Variants in PPP2R2B observed in about 807,000 individuals in gnomAD.
PPP2R2B encodes serine/threonine-protein phosphatase 2A 55 kDa regulatory subunit B beta isoform.
PPP2R2B carries 5 observed loss-of-function variants against 46.0 expected under a neutral mutation model. The observed-to-expected ratio is 0.11, with a 90% CI of 0.06 to 0.23. The LOEUF (loss-of-function observed/expected upper bound fraction) is 0.23. Ranked by LOEUF, PPP2R2B falls within the 10% of genes least tolerant of loss-of-function variation. PPP2R2B has a pLI of 1.00. For synonymous variants in PPP2R2B, 215 were observed against 206.7 expected (o/e 1.04, Z -0.34); for missense variants, 367 against 575.0 (o/e 0.64, Z 3.70).
intron 2 of PPP2R2B, among the ~76,000 whole-genome samples, chr5:147,076,897 T>C (rs906745891): frequency 1.3e-5 from 2 of 152,036 alleles, no homozygotes; most frequent in African/African-American, 4.8e-5. Flanking sequence ...ATGCTTATTG[T>C]TGAACTCACA....
intron 2 of PPP2R2B, among the ~76,000 whole-genome samples, chr5:146,857,895 C>A (rs1189532703): frequency 6.6e-6 from 1 of 152,192 alleles, no homozygotes; most frequent in Non-Finnish European, 1.5e-5. Context: ...CCATGTTGGT[C>A]AGGCTGGTCT....
chr5:146,733,155 TC>T (rs1752330598), intron 2 of PPP2R2B, among the ~76,000 whole-genome samples: 1 of 152,196 alleles, frequency 6.6e-6, no homozygotes, highest in Admixed American at 6.6e-5. Context: ...GAGGTGCTGT[TC>T]CCGCAATCTG....
At chr5:146,969,665 G>A (rs1324170746) in intron 1 of PPP2R2B, among the ~76,000 whole-genome samples, 1 of 152,222 alleles carries the variant, frequency 6.6e-6, no homozygotes, top group East Asian at 1.9e-4. Context: ...AGAATCAAGA[G>A]TCATTTAGGA....
At chr5:146,606,547 T>C (rs922811454) in intron 7 of PPP2R2B, among the ~76,000 whole-genome samples, 16 of 152,236 alleles carry the variant, frequency 1.1e-4, no homozygotes, top group Non-Finnish European at 2.1e-4. Context: ...GAGATCTTGC[T>C]TGTGAATCAC....
At chr5:146,919,839 G>A (rs911622164) in intron 1 of PPP2R2B, 2 of 152,188 alleles carry the variant, frequency 1.3e-5, no homozygotes, top group Non-Finnish European at 2.9e-5. Flanking sequence ...TTTCAATTTT[G>A]TGACTTGTAA....
At chr5:147,000,936 T>A (rs1417767356) in intron 1 of PPP2R2B, among the ~76,000 whole-genome samples, 1 of 152,180 alleles carries the variant, frequency 6.6e-6, no homozygotes, top group African/African-American at 2.4e-5. Context: ...CCTCTTGGTT[T>A]TCCTGATTTT....
intron 5 of PPP2R2B, among the ~76,000 whole-genome samples, chr5:146,652,451 G>A (rs1006867316): frequency 2.6e-5 from 4 of 152,184 alleles, no homozygotes; most frequent in Non-Finnish European, 4.4e-5. Flanking sequence ...CTTGTCAGGG[G>A]AGATAGACAT....
At chr5:146,968,270 T>A (rs979000682) in intron 1 of PPP2R2B, among the ~76,000 whole-genome samples, 2 of 152,222 alleles carry the variant, frequency 1.3e-5, no homozygotes, top group African/African-American at 4.8e-5. Context: ...TTTAGGGACA[T>A]TCTGGGCTTC....
Position 146,588,891 on chromosome 5 carries a change from T to G in PPP2R2B, c.*1056A>C, listed in dbSNP as rs1302268492. ...TTGGCTATTTTTGTTCTAGGTACAA[T>G]GGAGGTTGATGGATTGTTACTTTTG... On this transcript the variant is annotated 3_prime_UTR_variant, in exon 10 of 10. Transcript: ENST00000394411. The G allele has an allele frequency of 1.3e-5, 2 of 152,100 alleles. No homozygotes were observed. The highest frequency in any genetic ancestry group is 6.5e-5 in the Admixed American group (1 of 15,268). 9.4% of individuals were successfully genotyped at this position (152,100 alleles called of 1,614,324 possible).
chr5:146,987,550 A>G (rs1753488759), intron 1 of PPP2R2B, among the ~76,000 whole-genome samples: 1 of 152,046 alleles, frequency 6.6e-6, no homozygotes, highest in African/African-American at 2.4e-5. Flanking sequence ...AAGTCAGGTT[A>G]TCATCAGTTT....
chr5:146,723,496 T>C (rs1309556337), intron 2 of PPP2R2B, among the ~76,000 whole-genome samples: 1 of 152,146 alleles, frequency 6.6e-6, no homozygotes, highest in East Asian at 1.9e-4. Flanking sequence ...ATGTGGGTAA[T>C]GGTGACATGG....
At chr5:146,698,183 C>G (rs1470137485) in intron 3 of PPP2R2B, 39 bp from the exon 4 acceptor site, 1 of 1,509,464 alleles carries the variant, frequency 6.6e-7, no homozygotes, top group Non-Finnish European at 8.8e-7. Flanking sequence ...GATTAAATCA[C>G]AGTAGCCAAC....
chr5:146,971,894 CT>C (rs1165729899), intron 1 of PPP2R2B, among the ~76,000 whole-genome samples: 2 of 152,148 alleles, frequency 1.3e-5, no homozygotes, highest in African/African-American at 2.4e-5. Context: ...TCAGTTTCCC[CT>C]CTTGGCAACA....
intron 1 of PPP2R2B, among the ~76,000 whole-genome samples, chr5:146,936,870 T>G (rs1325717090): frequency 6.6e-6 from 1 of 151,968 alleles, no homozygotes; most frequent in Non-Finnish European, 1.5e-5. Context: ...CAGGGTTTTT[T>G]TTTTTTTTTT....
chr5:146,778,836 C>G (rs1450729622), intron 2 of PPP2R2B, among the ~76,000 whole-genome samples: 1 of 152,196 alleles, frequency 6.6e-6, no homozygotes, highest in African/African-American at 2.4e-5. Context: ...TATTCTCTAC[C>G]TGCTGTCTTG....
chr5:147,004,049 C>A (rs1203140341), intron 1 of PPP2R2B, among the ~76,000 whole-genome samples: 2 of 151,956 alleles, frequency 1.3e-5, no homozygotes, highest in African/African-American at 4.8e-5. Context: ...GAGGAATAGG[C>A]CCAAAAGGAA....
At chr5:146,900,242 T>C (rs1311469384) in intron 1 of PPP2R2B, among the ~76,000 whole-genome samples, 1 of 152,196 alleles carries the variant, frequency 6.6e-6, no homozygotes, top group Admixed American at 6.5e-5. Context: ...CAAAAATAAG[T>C]GCCACAGTCA....
At chr5:146,857,199 G>A (rs764519086) in intron 2 of PPP2R2B, among the ~76,000 whole-genome samples, 1 of 152,094 alleles carries the variant, frequency 6.6e-6, no homozygotes, top group Non-Finnish European at 1.5e-5. Flanking sequence ...AACTATTCAG[G>A]AGCAGAAGTA....
chr5:146,992,008 G>A (rs1017620581), intron 1 of PPP2R2B, among the ~76,000 whole-genome samples: 1 of 151,922 alleles, frequency 6.6e-6, no homozygotes, highest in Non-Finnish European at 1.5e-5. Flanking sequence ...ATTTTTCATA[G>A]AAATAGAAGA....
Sources: allele counts gnomAD v4.1 joint callset (sites outside exome capture counted in the v4.1 genomes callset), GRCh38; gene constraint gnomAD v4.1.1; transcripts MANE v1.5; gene names NCBI Gene and HGNC (gene_info 2026-07-23, HGNC 2026-07-21).